Variants in EYS observed in about 807,000 individuals in gnomAD.
EYS encodes the protein protein eyes shut homolog.
In EYS, 250 loss-of-function variants were observed where a neutral mutation model predicts 282.1. The observed-to-expected ratio is 0.89, with a 90% CI of 0.80 to 0.98. The LOEUF (loss-of-function observed/expected upper bound fraction) is 0.98. Ranked by LOEUF, EYS falls within the 50% of genes least tolerant of loss-of-function variation. The pLI is 0.00. For missense variants in EYS, 4,016 were observed against 3,709.0 expected (o/e 1.08, Z -2.15); for synonymous variants, 1,355 against 1,282.9 (o/e 1.06, Z -1.20).
At chr6:65,273,663 T>A (rs113982321) in intron 12 of EYS, among the ~76,000 whole-genome samples, 2,030 of 152,308 alleles carry the variant, frequency 0.013, 42 homozygotes, top group African/African-American at 0.045. Context: ...AGTTCTTGTT[T>A]TCCTTGCAAT....
At chr6:65,287,761 G>GT (rs912495706) in intron 12 of EYS, among the ~76,000 whole-genome samples, 2 of 150,946 alleles carry the variant, frequency 1.3e-5, no homozygotes, top group South Asian at 2.1e-4. Context: ...CTTAATTTTT[G>GT]TTTTTTTGCC....
Position 65,677,092 on chromosome 6 carries a change from CA to C in EYS, c.-448+30042del, listed in dbSNP as rs568243068. Among the ~76,000 whole-genome samples the C allele has an allele frequency of 2.6e-5, 3 of 113,632 alleles. No homozygotes were observed. The South Asian group carries it at 9.7e-4, about 37-fold the overall frequency. 74.5% of individuals were successfully genotyped at this position (113,632 alleles called of 152,430 possible). On this transcript the variant is annotated intron_variant, in intron 1 of 42. Coordinates refer to ENST00000503581, the MANE Select transcript of EYS (RefSeq NM_001142800.2). ...AAATATGTAAAGCCCATAGCTTTAT[CA>C]CAGTCATTGGTGAAAAAAAAAAAAA...
At chr6:64,024,479 T>C (rs918503786) in intron 33 of EYS, among the ~76,000 whole-genome samples, 6 of 152,216 alleles carry the variant, frequency 3.9e-5, no homozygotes, top group East Asian at 3.9e-4. Flanking sequence ...CAGCAGGATG[T>C]GGGTGGGGCC....
chr6:63,799,932 C>T (rs1770743656), intron 37 of EYS, among the ~76,000 whole-genome samples: 2 of 152,250 alleles, frequency 1.3e-5, no homozygotes, highest in South Asian at 2.1e-4. Flanking sequence ...TGAACGAGAG[C>T]GATGGATCTC....
intron 27 of EYS, among the ~76,000 whole-genome samples, chr6:64,437,608 T>A (rs1774796845): frequency 6.6e-6 from 1 of 151,672 alleles, no homozygotes; most frequent in Non-Finnish European, 1.5e-5. Flanking sequence ...CAAATTTTTG[T>A]GTGATTTAAA....
chr6:64,706,986 A>G (rs1176569429), intron 22 of EYS, among the ~76,000 whole-genome samples: 1 of 152,136 alleles, frequency 6.6e-6, no homozygotes, highest in Non-Finnish European at 1.5e-5. Flanking sequence ...AGGAAAAGAT[A>G]CAAAAAAGAT....
intron 22 of EYS, among the ~76,000 whole-genome samples, chr6:64,703,425 A>ATTTT (rs1562144141): frequency 9.6e-5 from 2 of 20,734 alleles, no homozygotes; most frequent in African/African-American, 2.2e-4. Context: ...ATATATATAT[A>ATTTT]TATATTTTTT....
At chr6:64,260,015 G>C (rs1767536323) in intron 30 of EYS, among the ~76,000 whole-genome samples, 2 of 151,884 alleles carry the variant, frequency 1.3e-5, no homozygotes, top group African/African-American at 2.4e-5. Flanking sequence ...GCCATCTGAA[G>C]TAAAGACTTA....
chr6:64,944,008 C>A (rs1769190121), intron 15 of EYS, among the ~76,000 whole-genome samples: 1 of 151,944 alleles, frequency 6.6e-6, no homozygotes, highest in Non-Finnish European at 1.5e-5. Context: ...GGTAAAACAA[C>A]AACAATAACA....
At position 65,405,269 on chromosome 6, in the gene EYS, G is replaced by A. The variant is rs748052858; in HGVS notation, c.961C>T (p.Pro321Ser). 2 of 1,612,672 alleles carry A rather than the reference G, an allele frequency of 1.2e-6. No homozygotes were observed. The highest frequency in any genetic ancestry group is 2.7e-5 in the African/African-American group (2 of 74,664). Reference sequence around the variant, plus strand: ...CCATTTTGGCTGGAAGATCCTTTTGGGCATTCATAAGTATAAGCAGAACTG... The same window carrying A: ...CCATTTTGGCTGGAAGATCCTTTTGAGCATTCATAAGTATAAGCAGAACTG... Reference protein sequence around the residue: ...NSSSAYTYECPKGSSSQNGET... With the variant: ...NSSSAYTYECSKGSSSQNGET... The change falls in exon 6 of 43, where the codon CCA becomes TCA. Residue 321 changes from proline to serine, a missense_variant. Transcript: ENST00000503581.
intron 30 of EYS, among the ~76,000 whole-genome samples, chr6:64,285,797 CCT>C (rs1354460327): frequency 1.3e-5 from 2 of 152,078 alleles, no homozygotes; most frequent in African/African-American, 4.8e-5. Flanking sequence ...AGTGGAAACC[CCT>C]GATAAACCCA....
intron 35 of EYS, among the ~76,000 whole-genome samples, chr6:63,925,227 T>C (rs1240138779): frequency 2.6e-5 from 4 of 152,194 alleles, no homozygotes; most frequent in African/African-American, 4.8e-5. Context: ...CAAATATCCA[T>C]GAAAAATGTA....
At chr6:63,733,367 T>C (rs973345258) in intron 41 of EYS, among the ~76,000 whole-genome samples, 3 of 152,148 alleles carry the variant, frequency 2.0e-5, no homozygotes, top group Non-Finnish European at 4.4e-5. Flanking sequence ...AGGTTTGGCG[T>C]ACAATTGATC....
In EYS at chr6:64,997,670, C is replaced by A; in HGVS notation, c.2171G>T (p.Gly724Val). ...CTGTTCACATCTTATCCCAACATAG[C>A]CTGGATTGCATAAGCAGGAAAAGCC... ...VDGFSCLCNP[G>V]YVGIRCEQDI... Residue 724 changes from glycine to valine, a missense_variant, in exon 14 of 43, where the codon GGC (glycine) becomes GTC (valine). Transcript: ENST00000503581. 2 of 1,551,040 alleles carry A rather than the reference C, an allele frequency of 1.3e-6. No homozygotes were observed. Among genetic ancestry groups the A allele is most frequent in the South Asian group, 1.2e-5 (1 of 84,026 alleles).
chr6:65,344,160 A>C lies in EYS; in HGVS notation c.1477T>G (p.Cys493Gly). The C allele has an allele frequency of 6.2e-7, 1 of 1,609,898 alleles. No individual in the cohort carries two copies. Among genetic ancestry groups the C allele is most frequent in the South Asian group, 1.1e-5 (1 of 90,974 alleles). The change falls in exon 10 of 43, where the codon TGC becomes GGC. Residue 493 changes from cysteine (C) to glycine (G), a missense_variant. Cys to Gly is a radical substitution (Grantham distance 159). Transcript: ENST00000503581. ...LGFAGSEGEK[C>G]QGVIDAYFFL... Reference sequence around the variant, plus strand: ...AAATAGGCATCAATAACCCCTTGGCACTTTTCGCCTTCAGATCCTTTAAAA... The same window carrying C: ...AAATAGGCATCAATAACCCCTTGGCCCTTTTCGCCTTCAGATCCTTTAAAA...
intron 33 of EYS, among the ~76,000 whole-genome samples, chr6:64,030,251 C>A (rs181918086): frequency 6.6e-6 from 1 of 151,852 alleles, no homozygotes; most frequent in Non-Finnish European, 1.5e-5. Context: ...AAGAAGAAGT[C>A]GAAGGGAGAA....
chr6:65,132,141 A>G (rs1561982249), intron 12 of EYS, among the ~76,000 whole-genome samples: 2 of 151,918 alleles, frequency 1.3e-5, no homozygotes. Flanking sequence ...CCATATGTAT[A>G]AGGAAGAGCT....
At chr6:65,595,684 T>G (rs1280321258) in intron 2 of EYS, among the ~76,000 whole-genome samples, 1 of 151,528 alleles carries the variant, frequency 6.6e-6, no homozygotes, top group Admixed American at 6.6e-5. Flanking sequence ...AAATAACGGT[T>G]TATCTCTTTG....
At chr6:65,392,765 G>A (rs371946012) in intron 7 of EYS, among the ~76,000 whole-genome samples, 11 of 151,192 alleles carry the variant, frequency 7.3e-5, no homozygotes, top group African/African-American at 2.2e-4. Flanking sequence ...TCAGTGTGGC[G>A]ATTCCTCAGG....
Sources: allele counts gnomAD v4.1 joint callset (sites outside exome capture counted in the v4.1 genomes callset), GRCh38; gene constraint gnomAD v4.1.1; transcripts MANE v1.5; gene names NCBI Gene and HGNC (gene_info 2026-07-23, HGNC 2026-07-21).